KIAA1328: variants seen among roughly 807,000 people sequenced by gnomAD.
KIAA1328 encodes protein hinderin.
Under a neutral mutation model 68.1 loss-of-function variants are expected in KIAA1328, and 52 were observed. That is an observed-to-expected ratio of 0.76 (90% CI 0.61 to 0.96). The LOEUF is 0.96. Among genes scored for constraint, KIAA1328 ranks in the 40% least tolerant of loss-of-function variants. The pLI is 0.00. For missense variants in KIAA1328, 641 were observed against 677.6 expected (o/e 0.95, Z 0.60); for synonymous variants, 232 against 239.4 (o/e 0.97, Z 0.28).
chr18:37,184,231 T>C (rs970614936), intron 9 of KIAA1328, among the ~76,000 whole-genome samples: 1 of 152,204 alleles, frequency 6.6e-6, no homozygotes, highest in African/African-American at 2.4e-5. Flanking sequence ...GTTGTACTTC[T>C]TTTATATCCC....
intron 9 of KIAA1328, among the ~76,000 whole-genome samples, chr18:37,218,218 A>T (rs761944985): frequency 6.6e-6 from 1 of 152,384 alleles, no homozygotes; most frequent in Middle Eastern, 3.4e-3. Flanking sequence ...ATAGTTAGAT[A>T]TAAATGCTAT....
chr18:36,986,464 A>G (rs2052930354), intron 6 of KIAA1328, among the ~76,000 whole-genome samples: 1 of 137,632 alleles, frequency 7.3e-6, no homozygotes, highest in Non-Finnish European at 1.5e-5. Flanking sequence ...CAATGGCAAC[A>G]AAAGCCAAAA....
chr18:36,830,354 A>C (rs2046430379), intron 1 of KIAA1328, among the ~76,000 whole-genome samples: 1 of 152,236 alleles, frequency 6.6e-6, no homozygotes, highest in African/African-American at 2.4e-5. Context: ...TGTGGATGAA[A>C]GCATACTAGT....
intron 9 of KIAA1328, among the ~76,000 whole-genome samples, chr18:37,179,699 T>C (rs1194083758): frequency 6.6e-6 from 1 of 152,202 alleles, no homozygotes; most frequent in Non-Finnish European, 1.5e-5. Context: ...CTCTCTGTTG[T>C]GAATACATTA....
At chr18:36,973,822 CACACACAT>C (rs1027714168) in intron 6 of KIAA1328, among the ~76,000 whole-genome samples, 15 of 113,130 alleles carry the variant, frequency 1.3e-4, no homozygotes, top group Non-Finnish European at 2.3e-4. Context: ...TACACACACA[CACACACAT>C]ACACACACAC....
At chr18:36,886,726 G>T (rs570997611) in intron 5 of KIAA1328, among the ~76,000 whole-genome samples, 2 of 152,236 alleles carry the variant, frequency 1.3e-5, no homozygotes, top group East Asian at 1.9e-4. Flanking sequence ...GTGTGAATGC[G>T]TGAAACCACC....
At chr18:37,029,384 T>C (rs997476660) in intron 6 of KIAA1328, among the ~76,000 whole-genome samples, 9 of 152,036 alleles carry the variant, frequency 5.9e-5, no homozygotes, top group African/African-American at 1.9e-4. Flanking sequence ...ATTGTACTTA[T>C]TATTATTGAG....
At chr18:37,143,521 C>CTTTTTT (rs57046567) in intron 7 of KIAA1328, among the ~76,000 whole-genome samples, 51 of 90,740 alleles carry the variant, frequency 5.6e-4, no homozygotes, top group African/African-American at 2.3e-3. Context: ...TTTTTTCTTT[C>CTTTTTT]TTTTTTTTTT....
At chr18:36,897,685 G>C (rs1467354184) in intron 5 of KIAA1328, among the ~76,000 whole-genome samples, 2 of 152,046 alleles carry the variant, frequency 1.3e-5, no homozygotes, top group East Asian at 1.9e-4. Flanking sequence ...TATTCCCAAG[G>C]CATCAGTGAG....
intron 7 of KIAA1328, among the ~76,000 whole-genome samples, chr18:37,082,166 A>ATTT (rs34106395): frequency 0.032 from 3,242 of 100,310 alleles, 79 homozygotes; most frequent in African/African-American, 0.088. Context: ...TGCCCCAAGG[A>ATTT]TTTTTTTTTT....
chr18:37,124,074 T>A (rs1437854481), intron 7 of KIAA1328, among the ~76,000 whole-genome samples: 2 of 152,196 alleles, frequency 1.3e-5, no homozygotes, highest in South Asian at 2.1e-4. Flanking sequence ...AAATGATTTA[T>A]GATCTGAGAA....
At chr18:36,867,891 G>A (rs1046806139) in intron 4 of KIAA1328, among the ~76,000 whole-genome samples, 2 of 152,182 alleles carry the variant, frequency 1.3e-5, no homozygotes, top group African/African-American at 4.8e-5. Flanking sequence ...TTATGTTAAA[G>A]AAAGACTTAC....
chr18:37,227,596 A>G (rs539647459), downstream of KIAA1328, among the ~76,000 whole-genome samples: 3 of 152,378 alleles, frequency 2.0e-5, no homozygotes, highest in African/African-American at 7.2e-5. Context: ...ATAGCAGCAC[A>G]TCTGTTTACA....
chr18:37,188,017 A>T (rs1291518195), intron 9 of KIAA1328, among the ~76,000 whole-genome samples: 1 of 152,238 alleles, frequency 6.6e-6, no homozygotes, highest in East Asian at 1.9e-4. Context: ...TAATGAAAGT[A>T]AGATAGATTA....
intron 6 of KIAA1328, among the ~76,000 whole-genome samples, chr18:37,026,020 T>TA (rs1166685934): frequency 2.0e-5 from 3 of 151,732 alleles, no homozygotes; most frequent in African/African-American, 4.8e-5. Context: ...ATAGACGCAA[T>TA]AAAAAATGAT....
chr18:36,907,511 A>G (rs1481067459), intron 5 of KIAA1328, among the ~76,000 whole-genome samples: 1 of 151,990 alleles, frequency 6.6e-6, no homozygotes, highest in East Asian at 1.9e-4. Context: ...TGGATGTTGA[A>G]TTTTCTTGAA....
chr18:37,015,369 G>A (rs1344056354), intron 6 of KIAA1328, among the ~76,000 whole-genome samples: 1 of 152,092 alleles, frequency 6.6e-6, no homozygotes, highest in African/African-American at 2.4e-5. Context: ...GTCTGTTTTT[G>A]TACCAGTACC....
chr18:37,045,072 G>T lies in KIAA1328; in HGVS notation c.577-21818G>T, dbSNP rs527756142. Among the ~76,000 whole-genome samples the T allele has an allele frequency of 5.3e-5, 8 of 152,286 alleles. No homozygotes were observed. In the South Asian group the frequency reaches 1.5e-3, roughly 28 times the overall value. On this transcript the variant is annotated intron_variant, in intron 6 of 9. Transcript: ENST00000280020. Reference sequence around the variant, plus strand: ...TTTGGAAGATTGACCTGGGTTAGGAGTTAGCACTAAAAATCTCAGTAAGAA... The same window carrying T: ...TTTGGAAGATTGACCTGGGTTAGGATTTAGCACTAAAAATCTCAGTAAGAA...
intron 7 of KIAA1328, among the ~76,000 whole-genome samples, chr18:37,078,634 A>G (rs1238579288): frequency 6.8e-6 from 1 of 147,412 alleles, no homozygotes; most frequent in Non-Finnish European, 1.5e-5. Context: ...AATTTACAAG[A>G]AAAAAACAAA....
Sources: gnomAD v4.1 joint callset for allele counts (sites outside exome capture counted in the v4.1 genomes callset) on GRCh38, gnomAD v4.1.1 for gene constraint, MANE v1.5 for transcripts, NCBI Gene and HGNC (gene_info 2026-07-23, HGNC 2026-07-21) for gene names.